CDK13: variants seen among roughly 807,000 people sequenced by gnomAD.
The protein encoded by CDK13 is cyclin-dependent kinase 13.
In CDK13, 40 loss-of-function variants were observed where a neutral mutation model predicts 137.6. That is an observed-to-expected ratio of 0.29 (90% CI 0.23 to 0.38). CDK13 has a LOEUF of 0.38. CDK13 is among the 10% of genes least tolerant of loss of function. The probability of loss-of-function intolerance (pLI) is 1.00; values close to 1 mark genes in which losing one functional copy is unlikely to be tolerated. For missense variants in CDK13, 1,704 were observed against 1,951.8 expected, an observed-to-expected ratio of 0.87 and a Z score of 2.39; for synonymous variants, 869 against 760.1, an observed-to-expected ratio of 1.14 and a Z score of -2.36.
chr7:40,040,900 A>G (rs1785591605), intron 5 of CDK13, among the ~76,000 whole-genome samples: 1 of 152,210 alleles, frequency 6.6e-6, no homozygotes, highest in Admixed American at 6.5e-5. Flanking sequence ...ATTTAAAGAT[A>G]GTTTTAGCTT....
intron 2 of CDK13, among the ~76,000 whole-genome samples, chr7:39,990,137 A>G (rs1784428504): frequency 6.6e-6 from 1 of 152,140 alleles, no homozygotes; most frequent in Admixed American, 6.5e-5. Flanking sequence ...GTTATTTTCA[A>G]GAACTCTTAC....
At chr7:40,064,175 T>C (rs990248496) in intron 9 of CDK13, among the ~76,000 whole-genome samples, 5 of 151,044 alleles carry the variant, frequency 3.3e-5, no homozygotes, top group African/African-American at 7.3e-5. Context: ...TCCCAACTAC[T>C]TGGGAGGCTG....
intron 5 of CDK13, among the ~76,000 whole-genome samples, chr7:40,015,117 G>A (rs1784977628): frequency 6.6e-6 from 1 of 152,146 alleles, no homozygotes; most frequent in Non-Finnish European, 1.5e-5. Flanking sequence ...ATCTTAATTT[G>A]GAATGACTTT....
At chr7:39,959,122 C>T (rs1787522098) in intron 1 of CDK13, among the ~76,000 whole-genome samples, 1 of 128,700 alleles carries the variant, frequency 7.8e-6, no homozygotes, top group South Asian at 2.5e-4. Context: ...ATTTGCATTT[C>T]TTTGATATTT....
intron 12 of CDK13, 64 bp downstream of exon 12, chr7:40,088,395 G>T: frequency 8.0e-7 from 1 of 1,253,660 alleles, no homozygotes. Context: ...TGATCATATT[G>T]CTCTAATGTT....
chr7:40,062,769 G>A, intron 7 of CDK13, 57 bp from the exon 8 acceptor site: 1 of 1,200,216 alleles, frequency 8.3e-7, no homozygotes, highest in Non-Finnish European at 1.2e-6. Context: ...TTTCCTCAGA[G>A]AATCTGTCTT....
chr7:40,095,857 C>T lies in CDK13; in HGVS notation c.*877C>T, dbSNP rs1787035758. 1 of 152,192 alleles carries T rather than the reference C, an allele frequency of 6.6e-6. No individual in the cohort carries two copies. Among genetic ancestry groups the T allele is most frequent in the South Asian group, 2.1e-4 (1 of 4,830 alleles). The allele number at this position is 152,192 out of a possible 1,614,324, so 9.4% of individuals were successfully genotyped here. ...TTCTCCTTTTCTGCCTGTCTTTGGG[C>T]TGTGTTGCCTTTCACTACCACCTTC... On this transcript the variant is annotated 3_prime_UTR_variant, in exon 14 of 14. Transcript: ENST00000181839.
chr7:40,088,156 A>G lies in CDK13; in HGVS notation c.3060A>G (p.Leu1020=). The G allele has an allele frequency of 6.2e-7, 1 of 1,612,290 alleles. No homozygotes were observed. Among genetic ancestry groups the G allele is most frequent in the Non-Finnish European group, 8.5e-7 (1 of 1,179,450 alleles). ...CTTTATGGCAAGATTGTCATGAGTT[A>G]TGGAGTAAAAAGCGAAGAAGACAGA... The part of the protein sequence containing the change: ...DLPLWQDCHE[L]WSKKRRRQKQ... The change falls in exon 12 of 14, where the codon TTA becomes TTG. Residue 1020 remains leucine (L), a synonymous_variant. Transcript: ENST00000181839.
chr7:40,076,132 C>T (rs1315595185), intron 9 of CDK13, among the ~76,000 whole-genome samples: 1 of 152,150 alleles, frequency 6.6e-6, no homozygotes, highest in Non-Finnish European at 1.5e-5. Flanking sequence ...CTTTGCCTTC[C>T]TGGATTCCAG....
At chr7:40,062,569 C>T (rs573188931) in intron 7 of CDK13, 17 of 347,484 alleles carry the variant, frequency 4.9e-5, no homozygotes, top group African/African-American at 2.8e-4. Context: ...CGTGAGCCAC[C>T]GTGCCCAGCC....
intron 5 of CDK13, among the ~76,000 whole-genome samples, chr7:40,033,000 T>C (rs888350885): frequency 3.9e-5 from 6 of 152,224 alleles, no homozygotes; most frequent in Non-Finnish European, 7.3e-5. Flanking sequence ...GTCTTGACAG[T>C]GTGGAGTCTG....
intron 11 of CDK13, among the ~76,000 whole-genome samples, chr7:40,079,993 A>AT (rs1488409029): frequency 6.6e-6 from 1 of 151,830 alleles, no homozygotes; most frequent in Non-Finnish European, 1.5e-5. Context: ...TTTTTATTTT[A>AT]TTTTTTTGTC....
chr7:39,957,307 T>TA (rs200684801), intron 1 of CDK13, among the ~76,000 whole-genome samples: 40,473 of 151,932 alleles, frequency 0.27, 6,504 homozygotes, highest in Middle Eastern at 0.44. Flanking sequence ...TTAGTTTTTT[T>TA]TCCTGTGCCC....
rs540546879 is a variant in CDK13, at chr7:40,098,008, T to A, written c.*3028T>A. 8.3e-4 allele frequency: 127 copies of A among 152,206 alleles called. 1 individual carries two copies. The highest frequency in any genetic ancestry group is 2.9e-3 in the African/African-American group (121 of 41,558). The allele number at this position is 152,206 out of a possible 1,614,324, so 9.4% of individuals were successfully genotyped here. ...TGACAGTGAGCAAGATTTTTTTAAA[T>A]GTCTGGAGAAGTTAGTGGTATTTGC... On this transcript the variant is annotated 3_prime_UTR_variant, in exon 14 of 14. Coordinates refer to ENST00000181839, the MANE Select transcript of CDK13 (RefSeq NM_003718.5).
At chr7:40,069,000 A>G (rs1274310380) in intron 9 of CDK13, among the ~76,000 whole-genome samples, 2 of 152,154 alleles carry the variant, frequency 1.3e-5, no homozygotes, top group Non-Finnish European at 2.9e-5. Flanking sequence ...TTGGAAGGCC[A>G]AGGCAGGTGG....
At chr7:40,048,212 T>C (rs553691758) in intron 7 of CDK13, 39 of 189,936 alleles carry the variant, frequency 2.1e-4, no homozygotes, top group African/African-American at 3.1e-4. Context: ...TTTAAACTTA[T>C]AAACTTTGGT....
chr7:40,019,655 A>G (rs1295747852), intron 5 of CDK13, among the ~76,000 whole-genome samples: 2 of 152,198 alleles, frequency 1.3e-5, no homozygotes, highest in Non-Finnish European at 2.9e-5. Context: ...TCATAGCAAC[A>G]TGTAGGCTGG....
intron 7 of CDK13, among the ~76,000 whole-genome samples, chr7:40,056,286 C>T (rs984703039): frequency 6.6e-5 from 10 of 152,066 alleles, no homozygotes; most frequent in African/African-American, 1.4e-4. Context: ...TCCTTAGTAA[C>T]GGTCATTTTC....
Position 39,989,644 on chromosome 7 carries a change from T to C in CDK13, c.1871+1386T>C, listed in dbSNP as rs1784416449. Among the ~76,000 whole-genome samples the C allele has an allele frequency of 2.0e-5, 3 of 152,290 alleles. No individual in the cohort carries two copies. In the South Asian group the frequency reaches 6.2e-4, roughly 32 times the overall value. On this transcript the variant is annotated intron_variant, in intron 2 of 13. Coordinates refer to ENST00000181839, the MANE Select transcript of CDK13 (RefSeq NM_003718.5). ...ATTGTTGTATTTGCAGGTTTGACTG[T>C]TCTCAGGGAACGCTGAAGGTTCATA...
Sources: allele counts gnomAD v4.1 joint callset (sites outside exome capture counted in the v4.1 genomes callset), GRCh38; gene constraint gnomAD v4.1.1; transcripts MANE v1.5; gene names NCBI Gene and HGNC (gene_info 2026-07-23, HGNC 2026-07-21).